CACNB2: variants seen among roughly 807,000 people sequenced by gnomAD.
CACNB2 encodes calcium voltage-gated channel auxiliary subunit beta 2.
In CACNB2, 42 loss-of-function variants were observed where a neutral mutation model predicts 73.3. That is an observed-to-expected ratio of 0.57 (90% CI 0.45 to 0.74). CACNB2 has a LOEUF of 0.74. Ranked by LOEUF, CACNB2 falls within the 30% of genes least tolerant of loss-of-function variation. CACNB2 has a pLI of 0.00. For synonymous variants in CACNB2, 348 were observed against 310.3 expected (o/e 1.12, Z -1.28); for missense variants, 940 against 853.0 (o/e 1.10, Z -1.27).
At chr10:18,184,191 G>A (rs993158157) in intron 2 of CACNB2, among the ~76,000 whole-genome samples, 10 of 152,180 alleles carry the variant, frequency 6.6e-5, no homozygotes, top group African/African-American at 1.7e-4. Flanking sequence ...TATACTCATT[G>A]AACTTTGTTG....
intron 2 of CACNB2, among the ~76,000 whole-genome samples, chr10:18,299,088 T>TAAAAG (rs58605649): frequency 0.77 from 106,956 of 138,290 alleles, 41,289 homozygotes; most frequent in Middle Eastern, 0.82. Flanking sequence ...AAATAAAAAA[T>TAAAAG]AAAAGAAAAA....
intron 3 of CACNB2, among the ~76,000 whole-genome samples, chr10:18,420,169 T>C (rs1221115328): frequency 2.6e-5 from 4 of 152,216 alleles, no homozygotes; most frequent in Admixed American, 6.5e-5. Flanking sequence ...AAAACTTGAA[T>C]GTTTCATCTC....
intron 3 of CACNB2, among the ~76,000 whole-genome samples, chr10:18,495,571 GTGTGTGTGTGT>G (rs1162209396): frequency 2.8e-5 from 4 of 143,314 alleles, no homozygotes; most frequent in African/African-American, 1.1e-4. Flanking sequence ...GTGTGTGTGT[GTGTGTGTGTGT>G]GTGTGTGTGT....
chr10:18,326,458 G>C (rs2040593118), intron 2 of CACNB2, among the ~76,000 whole-genome samples: 1 of 152,142 alleles, frequency 6.6e-6, no homozygotes, highest in Non-Finnish European at 1.5e-5. Flanking sequence ...AATTCGTGGT[G>C]TTTTAATCCA....
At chr10:18,418,491 C>G (rs193069014) in intron 3 of CACNB2, among the ~76,000 whole-genome samples, 36 of 152,286 alleles carry the variant, frequency 2.4e-4, no homozygotes, top group African/African-American at 8.7e-4. Context: ...CATTTGAGTC[C>G]TCGTGGATGA....
chr10:18,250,742 C>T (rs2131551618), intron 2 of CACNB2, among the ~76,000 whole-genome samples: 1 of 152,324 alleles, frequency 6.6e-6, no homozygotes, highest in South Asian at 2.1e-4. Flanking sequence ...TGGCTTCCTC[C>T]ATTTCCGTTT....
chr10:18,500,285 A>T (rs891183142), intron 4 of CACNB2, among the ~76,000 whole-genome samples: 23 of 152,258 alleles, frequency 1.5e-4, no homozygotes, highest in Admixed American at 1.4e-3. Flanking sequence ...TCCACCTGCA[A>T]GACATAAATT....
At chr10:18,148,626 A>G (rs1821692460) in intron 1 of CACNB2, among the ~76,000 whole-genome samples, 1 of 152,174 alleles carries the variant, frequency 6.6e-6, no homozygotes, top group East Asian at 1.9e-4. Context: ...TTGGATAATG[A>G]GACATATTTA....
At chr10:18,313,784 A>T (rs1383029245) in intron 2 of CACNB2, among the ~76,000 whole-genome samples, 5 of 152,206 alleles carry the variant, frequency 3.3e-5, no homozygotes. Flanking sequence ...AGAATTGCAG[A>T]TGTATTCCAT....
intron 3 of CACNB2, among the ~76,000 whole-genome samples, chr10:18,446,938 G>A (rs887175382): frequency 6.6e-6 from 1 of 151,980 alleles, no homozygotes; most frequent in African/African-American, 2.4e-5. Flanking sequence ...GTGCACCTGT[G>A]GTCCTAGCTA....
At chr10:18,396,091 G>A (rs1319597281) in intron 2 of CACNB2, among the ~76,000 whole-genome samples, 3 of 152,002 alleles carry the variant, frequency 2.0e-5, no homozygotes, top group African/African-American at 7.3e-5. Flanking sequence ...CGAGTAGCTG[G>A]GACCACAGGC....
At chr10:18,425,782 C>A (rs1049757787) in intron 3 of CACNB2, among the ~76,000 whole-genome samples, 7 of 152,116 alleles carry the variant, frequency 4.6e-5, no homozygotes, top group Non-Finnish European at 8.8e-5. Context: ...ATCTGTAATT[C>A]CTCGATCTTT....
At chr10:18,390,136 G>T (rs527426656) in intron 2 of CACNB2, among the ~76,000 whole-genome samples, 1 of 152,196 alleles carries the variant, frequency 6.6e-6, no homozygotes. Context: ...ATCTTGGAAG[G>T]AAAGAGCCCA....
intron 2 of CACNB2, among the ~76,000 whole-genome samples, chr10:18,385,888 A>G (rs1169297543): frequency 2.0e-5 from 3 of 152,160 alleles, no homozygotes; most frequent in Non-Finnish European, 2.9e-5. Context: ...ACTGATAGTT[A>G]TGTTATTCAA....
chr10:18,261,397 A>AG, intron 2 of CACNB2: 1 of 1,548,262 alleles, frequency 6.5e-7, no homozygotes, highest in Non-Finnish European at 8.7e-7. Flanking sequence ...TGCCTCTTTC[A>AG]GCTGTTTTTA....
At chr10:18,421,038 T>C (rs2045291308) in intron 3 of CACNB2, among the ~76,000 whole-genome samples, 1 of 152,150 alleles carries the variant, frequency 6.6e-6, no homozygotes, top group Non-Finnish European at 1.5e-5. Flanking sequence ...GGAAATGTAT[T>C]TTTTAGGAGA....
chr10:18,274,053 G>A (rs1353136641), intron 2 of CACNB2, among the ~76,000 whole-genome samples: 1 of 152,144 alleles, frequency 6.6e-6, no homozygotes, highest in Non-Finnish European at 1.5e-5. Flanking sequence ...CTCCTTGGGG[G>A]TCCTACTAAC....
At chr10:18,289,660 G>A (rs895921843) in intron 2 of CACNB2, among the ~76,000 whole-genome samples, 9 of 152,150 alleles carry the variant, frequency 5.9e-5, no homozygotes, top group South Asian at 2.1e-4. Flanking sequence ...AACATTTTCA[G>A]CAAATGGTAG....
At chr10:18,314,884 C>T (rs1415381096) in intron 2 of CACNB2, among the ~76,000 whole-genome samples, 1 of 152,188 alleles carries the variant, frequency 6.6e-6, no homozygotes, top group Non-Finnish European at 1.5e-5. Context: ...ACACTAAAAA[C>T]TTACTAACTC....
Sources: allele counts gnomAD v4.1 joint callset (sites outside exome capture counted in the v4.1 genomes callset), GRCh38; gene constraint gnomAD v4.1.1; transcripts MANE v1.5; gene names NCBI Gene and HGNC (gene_info 2026-07-23, HGNC 2026-07-21).